MACROD2: variants seen among roughly 807,000 people sequenced by gnomAD.
MACROD2 encodes mono-ADP ribosylhydrolase 2, also known as ADP-ribose glycohydrolase MACROD2.
A neutral mutation model predicts 70.4 loss-of-function variants in MACROD2; 36 were observed. The observed-to-expected ratio is 0.51, with a 90% CI of 0.39 to 0.68. MACROD2 has a LOEUF of 0.68. MACROD2 is among the 30% of genes least tolerant of loss of function. The pLI, the probability that MACROD2 is intolerant of heterozygous loss-of-function variation, is 0.00. For synonymous variants in MACROD2, 172 were observed against 178.8 expected, an observed-to-expected ratio of 0.96 and a Z score of 0.30; for missense variants, 496 against 538.4, an observed-to-expected ratio of 0.92 and a Z score of 0.78.
intron 8 of MACROD2, among the ~76,000 whole-genome samples, chr20:15,574,885 A>G (rs2048423471): frequency 6.6e-6 from 1 of 152,200 alleles, no homozygotes. Context: ...TAACAAGGTC[A>G]TGTATGAAAT....
At chr20:14,125,231 G>T (rs146243528) in intron 3 of MACROD2, among the ~76,000 whole-genome samples, 16 of 152,032 alleles carry the variant, frequency 1.1e-4, no homozygotes, top group African/African-American at 3.4e-4. Flanking sequence ...TAAAGGTGGT[G>T]GTTGCACAAC....
intron 8 of MACROD2, among the ~76,000 whole-genome samples, chr20:15,680,503 G>A (rs558133911): frequency 1.6e-4 from 24 of 152,140 alleles, no homozygotes; most frequent in Non-Finnish European, 1.5e-5. Context: ...AAAATTGAGA[G>A]AAAAATAAAG....
intron 5 of MACROD2, among the ~76,000 whole-genome samples, chr20:14,748,158 T>TCATG: frequency 6.6e-6 from 1 of 152,200 alleles, no homozygotes; most frequent in East Asian, 1.9e-4. Flanking sequence ...ACCCAGTTAG[T>TCATG]TCCTACACGC....
At chr20:15,899,702 C>T (rs2065036062) in intron 10 of MACROD2, among the ~76,000 whole-genome samples, 1 of 152,206 alleles carries the variant, frequency 6.6e-6, no homozygotes, top group Non-Finnish European at 1.5e-5. Flanking sequence ...TCTTGCTCCA[C>T]AATTGCCTTT....
intron 6 of MACROD2, among the ~76,000 whole-genome samples, chr20:15,310,480 A>G (rs1309015820): frequency 6.6e-6 from 1 of 152,188 alleles, no homozygotes; most frequent in Non-Finnish European, 1.5e-5. Flanking sequence ...GGCTAAGTGT[A>G]TATCTGATAT....
chr20:14,654,146 C>T (rs1311939630), intron 4 of MACROD2, among the ~76,000 whole-genome samples: 1 of 152,016 alleles, frequency 6.6e-6, no homozygotes, highest in African/African-American at 2.4e-5. Context: ...ATATTTAATT[C>T]GTTCTTTTTT....
rs563637460 is a variant in MACROD2 at position 15,355,275 on chromosome 20, C to T, written c.541-76130C>T. 3.3e-5 allele frequency among the ~76,000 whole-genome samples: 5 copies of T among 152,280 alleles called. No individual in the cohort carries two copies. In the East Asian group the frequency reaches 9.7e-4, roughly 29 times the overall value. On this transcript the variant is annotated intron_variant, in intron 6 of 17. Coordinates refer to ENST00000684519, the MANE Select transcript of MACROD2 (RefSeq NM_001351661.2). ...CTTATAACCAACTGGCTATAAATAT[C>T]GAGGTTCCCACAACCCCCTCATGTA...
chr20:14,784,680 G>A (rs1302795432), intron 5 of MACROD2, among the ~76,000 whole-genome samples: 2 of 124,786 alleles, frequency 1.6e-5, no homozygotes, highest in African/African-American at 5.8e-5. Context: ...GGGGGGGGGG[G>A]GCACCAGATT....
At chr20:13,997,692 C>T (rs2052682125) in intron 1 of MACROD2, among the ~76,000 whole-genome samples, 1 of 151,984 alleles carries the variant, frequency 6.6e-6, no homozygotes, top group South Asian at 2.1e-4. Context: ...GAAGCAAATG[C>T]ACCATTAAAT....
chr20:14,732,294 T>C (rs1379360135), intron 5 of MACROD2, among the ~76,000 whole-genome samples: 1 of 152,170 alleles, frequency 6.6e-6, no homozygotes, highest in Non-Finnish European at 1.5e-5. Flanking sequence ...TTCTAGTATT[T>C]CTTGGGCAAA....
chr20:14,526,379 A>T (rs1460094037), intron 4 of MACROD2, among the ~76,000 whole-genome samples: 1 of 152,154 alleles, frequency 6.6e-6, no homozygotes, highest in Non-Finnish European at 1.5e-5. Context: ...ATTGCAAATG[A>T]TCTATCAGTT....
At chr20:15,553,250 C>T (rs1424918215) in intron 8 of MACROD2, among the ~76,000 whole-genome samples, 2 of 152,146 alleles carry the variant, frequency 1.3e-5, no homozygotes, top group Non-Finnish European at 2.9e-5. Flanking sequence ...CCCTCTCCAT[C>T]ATAGAGCTTA....
rs2050050690 is a variant in MACROD2, at chr20:15,675,910, A to T, written c.645+176063A>T. On this transcript the variant is annotated intron_variant, in intron 8 of 17. Coordinates refer to ENST00000684519, the MANE Select transcript of MACROD2 (RefSeq NM_001351661.2). ...GCTTTTGTGTTCATTAACACAACAG[A>T]GCCTCAAAACTTTAGTTTTGAGAAA... 3.9e-5 allele frequency among the ~76,000 whole-genome samples: 6 copies of T among 152,152 alleles called. 1 individual carries two copies. In the South Asian group the frequency reaches 1.2e-3, roughly 32 times the overall value.
intron 5 of MACROD2, among the ~76,000 whole-genome samples, chr20:14,713,961 A>G (rs1006431626): frequency 1.7e-4 from 26 of 152,292 alleles, no homozygotes; most frequent in Admixed American, 1.3e-4. Context: ...TGGGAGATGA[A>G]TTCAGGCCTT....
chr20:15,658,792 A>G (rs903021465), intron 8 of MACROD2, among the ~76,000 whole-genome samples: 1 of 152,176 alleles, frequency 6.6e-6, no homozygotes, highest in African/African-American at 2.4e-5. Context: ...CTACATGCTC[A>G]CAAGGATGGT....
chr20:15,072,528 G>A (rs1275154023), intron 5 of MACROD2, among the ~76,000 whole-genome samples: 1 of 151,982 alleles, frequency 6.6e-6, no homozygotes, highest in Non-Finnish European at 1.5e-5. Context: ...TAGTATCTTG[G>A]GCTTCTTCCC....
At chr20:14,780,734 A>G (rs534978458) in intron 5 of MACROD2, among the ~76,000 whole-genome samples, 4 of 152,204 alleles carry the variant, frequency 2.6e-5, no homozygotes, top group African/African-American at 9.6e-5. Context: ...GTAATGAAAC[A>G]AAAGTATGAG....
chr20:14,442,514 T>G (rs141781159), intron 3 of MACROD2, among the ~76,000 whole-genome samples: 1 of 152,216 alleles, frequency 6.6e-6, no homozygotes, highest in African/African-American at 2.4e-5. Flanking sequence ...ATGGAGATAT[T>G]TATTGGAATA....
intron 8 of MACROD2, among the ~76,000 whole-genome samples, chr20:15,623,301 A>G (rs1219441190): frequency 6.6e-6 from 1 of 152,264 alleles, no homozygotes; most frequent in East Asian, 1.9e-4. Context: ...GATAATTTTA[A>G]TGAAACATAT....
Sources: allele counts gnomAD v4.1 joint callset (sites outside exome capture counted in the v4.1 genomes callset), GRCh38; gene constraint gnomAD v4.1.1; transcripts MANE v1.5; gene names NCBI Gene and HGNC (gene_info 2026-07-23, HGNC 2026-07-21).